The following SLC66A3 variants were observed in gnomAD, a reference collection of about 807,000 sequenced individuals.
The protein encoded by SLC66A3 is PQ loop repeat containing 3.
SLC66A3 carries 23 observed loss-of-function variants against 25.5 expected under a neutral mutation model. That is an observed-to-expected ratio of 0.90 (90% CI 0.65 to 1.28). The LOEUF (loss-of-function observed/expected upper bound fraction) is 1.28. Ranked by LOEUF, SLC66A3 falls within the 50% of genes most tolerant of loss-of-function variation. The pLI is 0.00. For synonymous variants in SLC66A3, 108 were observed against 112.6 expected, an observed-to-expected ratio of 0.96 and a Z score of 0.26; for missense variants, 246 against 262.1, an observed-to-expected ratio of 0.94 and a Z score of 0.42.
At chr2:11,169,473 A>G (rs750699626) in intron 4 of SLC66A3, among the ~76,000 whole-genome samples, 1 of 151,930 alleles carries the variant, frequency 6.6e-6, no homozygotes, top group East Asian at 1.9e-4. Flanking sequence ...TTCTTCATTC[A>G]TATCTCGGTA....
intron 6 of SLC66A3, among the ~76,000 whole-genome samples, chr2:11,177,420 C>T (rs1662794973): frequency 6.7e-6 from 1 of 149,754 alleles, no homozygotes; most frequent in South Asian, 2.1e-4. Context: ...AGACAGGCCA[C>T]TGAACCCCAG....
At chr2:11,176,721 G>T (rs1662764202) in intron 6 of SLC66A3, among the ~76,000 whole-genome samples, 1 of 144,712 alleles carries the variant, frequency 6.9e-6, no homozygotes, top group Non-Finnish European at 1.5e-5. Flanking sequence ...GTAGAGACGG[G>T]GTTTCACCGT....
intron 5 of SLC66A3, 133 bp from the exon 6 acceptor site, chr2:11,174,835 T>TA (rs1280365069): frequency 2.3e-5 from 12 of 528,592 alleles, no homozygotes; most frequent in East Asian, 6.6e-5. Context: ...TATATGTTGT[T>TA]AAAAAAAGAA....
At chr2:11,165,535 G>A (rs1312563112) in intron 4 of SLC66A3, among the ~76,000 whole-genome samples, 1 of 151,798 alleles carries the variant, frequency 6.6e-6, no homozygotes, top group African/African-American at 2.4e-5. Context: ...TCCCAGACTG[G>A]GCAGCCGGGC....
rs575146395 is a variant in SLC66A3 at position 11,155,650 on chromosome 2, G to C, written c.104G>C (p.Arg35Pro). Residue 35 changes from arginine (R) to proline (P), a missense_variant, in exon 1 of 7, where the codon CGG becomes CCG. Around this residue, in one of 3 missense-constraint regions of SLC66A3, gnomAD observed 142 missense variants for 130.3 expected, o/e 1.09. Transcript: ENST00000295083. The stretch of plus-strand genomic sequence containing the variant: ...GCTGTGCTAGCGGCGCGCAGCGCGC[G>C]GGGCCTCAGCCTTCCGAGTTTACTT... The part of the protein sequence containing the change: ...ISAVLAARSA[R>P]GLSLPSLLLE... 1.5e-5 allele frequency: 23 copies of C among 1,497,350 alleles called. No homozygotes were observed. In the South Asian group the frequency reaches 2.9e-4, roughly 19 times the overall value. 92.8% of individuals were successfully genotyped at this position (1,497,350 alleles called of 1,614,324 possible). A position where few individuals can be genotyped will look rare whatever the true frequency, so the allele number is the denominator to read the frequency against.
intron 5 of SLC66A3, 107 bp downstream of exon 5, chr2:11,172,152 C>A (rs1662579492): frequency 2.8e-6 from 3 of 1,067,234 alleles, no homozygotes; most frequent in South Asian, 1.6e-5. Flanking sequence ...CGCTTTACTA[C>A]TTTACAAATG....
At chr2:11,159,929 G>A (rs1662053496) in intron 1 of SLC66A3, among the ~76,000 whole-genome samples, 1 of 152,162 alleles carries the variant, frequency 6.6e-6, no homozygotes, top group Admixed American at 6.5e-5. Flanking sequence ...CCTCTCAACC[G>A]GGCAGCTCTT....
rs761741977 is a variant in SLC66A3 at position 11,177,878 on chromosome 2, G to GA, written c.*55dup. ...TGGATTTTGAGTAACTGAACCAAAGGAAAAAGAAGCTCTTTGCTAAATTAA... is the reference window on the plus strand; with the variant it reads ...TGGATTTTGAGTAACTGAACCAAAGGAAAAAAGAAGCTCTTTGCTAAATTAA... On this transcript the variant is annotated 3_prime_UTR_variant, in exon 7 of 7. Transcript: ENST00000295083. The GA allele has an allele frequency of 4.6e-6, 5 of 1,096,636 alleles. No individual in the cohort carries two copies. Among genetic ancestry groups the GA allele is most frequent in the Non-Finnish European group, 6.8e-6 (5 of 740,150 alleles). 67.9% of individuals were successfully genotyped at this position (1,096,636 alleles called of 1,614,324 possible).
At chr2:11,173,454 AC>A (rs1662626479) in intron 5 of SLC66A3, among the ~76,000 whole-genome samples, 1 of 152,214 alleles carries the variant, frequency 6.6e-6, no homozygotes, top group Non-Finnish European at 1.5e-5. Flanking sequence ...CGCCTTCCTA[AC>A]TGAAGTCTTC....
chr2:11,167,905 G>A (rs1361493613), intron 4 of SLC66A3, among the ~76,000 whole-genome samples: 2 of 152,126 alleles, frequency 1.3e-5, no homozygotes, highest in Admixed American at 1.3e-4. Flanking sequence ...TCCCCCAGAG[G>A]TCCTAAACTG....
chr2:11,173,993 C>T (rs1159381128), intron 5 of SLC66A3, among the ~76,000 whole-genome samples: 2 of 152,300 alleles, frequency 1.3e-5, no homozygotes, highest in East Asian at 1.9e-4. Context: ...TTCGCTCTTT[C>T]GCTTAGGCTG....
At chr2:11,168,025 G>A (rs11689991) in intron 4 of SLC66A3, among the ~76,000 whole-genome samples, 104,412 of 152,132 alleles carry the variant, frequency 0.69, 36,828 homozygotes, top group African/African-American at 0.86. Flanking sequence ...TCACGCCTGT[G>A]ATCCCAGCAC....
At chr2:11,173,713 G>A (rs12996399) in intron 5 of SLC66A3, among the ~76,000 whole-genome samples, 65,773 of 152,044 alleles carry the variant, frequency 0.43, 15,200 homozygotes, top group South Asian at 0.53. Flanking sequence ...GGCTAGGAAA[G>A]GCATGCCTTG....
At chr2:11,165,820 C>T (rs1360338714) in intron 4 of SLC66A3, among the ~76,000 whole-genome samples, 1 of 151,844 alleles carries the variant, frequency 6.6e-6, no homozygotes, top group Non-Finnish European at 1.5e-5. Context: ...TGGAGACCAG[C>T]CCGGCCAACA....
intron 4 of SLC66A3, among the ~76,000 whole-genome samples, chr2:11,167,443 A>AAAAAC (rs1236344528): frequency 3.3e-5 from 5 of 152,212 alleles, no homozygotes; most frequent in Admixed American, 2.0e-4. Flanking sequence ...ACTCCATTTC[A>AAAAAC]AAAACAAAAC....
chr2:11,171,593 G>C (rs1236678047), intron 4 of SLC66A3, among the ~76,000 whole-genome samples: 2 of 151,214 alleles, frequency 1.3e-5, no homozygotes, highest in African/African-American at 2.4e-5. Context: ...TTTGAGATGG[G>C]AGTCTCACTC....
At chr2:11,158,110 G>T (rs928300474) in intron 1 of SLC66A3, among the ~76,000 whole-genome samples, 2 of 152,230 alleles carry the variant, frequency 1.3e-5, no homozygotes, top group Non-Finnish European at 2.9e-5. Flanking sequence ...TGTTGAGGGA[G>T]AAAACTCCAA....
At chr2:11,171,564 C>T (rs1471787502) in intron 4 of SLC66A3, among the ~76,000 whole-genome samples, 2 of 151,638 alleles carry the variant, frequency 1.3e-5, no homozygotes, top group East Asian at 3.9e-4. Flanking sequence ...TTGAGTATCT[C>T]GTGCTCTTTT....
chr2:11,172,119 T>A (rs1662578725), intron 5 of SLC66A3, 74 bp downstream of exon 5: 2 of 1,474,188 alleles, frequency 1.4e-6, no homozygotes, highest in Non-Finnish European at 1.9e-6. Context: ...GTTAAGTTGG[T>A]GTTGAAGTAA....
Sources: allele counts gnomAD v4.1 joint callset (sites outside exome capture counted in the v4.1 genomes callset), GRCh38; gene constraint gnomAD v4.1.1; regional missense constraint gnomAD v4.1.1; transcripts MANE v1.5; gene names NCBI Gene and HGNC (gene_info 2026-07-23, HGNC 2026-07-21).